Variants in SORCS2 observed in about 807,000 individuals in gnomAD.
The protein encoded by SORCS2 is VPS10 domain-containing receptor SorCS2.
A neutral mutation model predicts 141.6 loss-of-function variants in SORCS2; 100 were observed. The ratio of observed to expected loss-of-function variants is 0.71; its 90% CI spans 0.60 to 0.83. SORCS2 has a LOEUF of 0.83. Among genes scored for constraint, SORCS2 ranks in the 40% least tolerant of loss-of-function variants. The pLI is 0.00. For synonymous variants in SORCS2, 789 were observed against 676.9 expected, an observed-to-expected ratio of 1.17 and a Z score of -2.57; for missense variants, 1,646 against 1,560.2, an observed-to-expected ratio of 1.05 and a Z score of -0.93.
rs1210385945 is a variant in SORCS2 at position 7,286,360 on chromosome 4, G to T, written c.480+93234G>T. On this transcript the variant is annotated intron_variant, in intron 1 of 26. Coordinates refer to ENST00000507866, the MANE Select transcript of SORCS2 (RefSeq NM_020777.3). This position sits in a 1 kb window ranked among gnomAD's most constrained non-coding sequence, Gnocchi z 4.1. ...CGGAAGAGCCTGGGGTGGCTCTGGG[G>T]CTGGGTTGGGGAGCTACCTACTTTG... is the stretch of plus-strand genomic sequence containing the variant. 1.3e-5 allele frequency among the ~76,000 whole-genome samples: 2 copies of T among 152,218 alleles called. No individual in the cohort carries two copies. The highest frequency in any genetic ancestry group is 1.9e-4 in the East Asian group (1 of 5,194).
At chr4:7,244,670 CTG>C (rs1466344300) in intron 1 of SORCS2, among the ~76,000 whole-genome samples, 13 of 152,218 alleles carry the variant, frequency 8.5e-5, no homozygotes, top group African/African-American at 3.1e-4. Context: ...AGACCCCACT[CTG>C]TGCGGTTGCC....
chr4:7,334,824 G>T (rs928377161), intron 1 of SORCS2, among the ~76,000 whole-genome samples: 7 of 152,152 alleles, frequency 4.6e-5, no homozygotes, highest in African/African-American at 1.4e-4. Flanking sequence ...GTGTGAGCAG[G>T]CCCTGTAGGA....
intron 2 of SORCS2, among the ~76,000 whole-genome samples, chr4:7,504,899 C>T (rs980489093): frequency 6.6e-6 from 1 of 152,292 alleles, no homozygotes; most frequent in African/African-American, 2.4e-5. Context: ...GCTCGGGAGC[C>T]GTCTGATGGC....
intron 3 of SORCS2, among the ~76,000 whole-genome samples, chr4:7,540,808 G>A (rs965564020): frequency 5.9e-5 from 9 of 152,204 alleles, no homozygotes; most frequent in South Asian, 2.1e-4. Flanking sequence ...TGTGAAGTGG[G>A]GATGAACATT....
intron 1 of SORCS2, among the ~76,000 whole-genome samples, chr4:7,326,121 G>A (rs796263348): frequency 8.5e-5 from 13 of 152,250 alleles, no homozygotes; most frequent in African/African-American, 2.4e-4. Flanking sequence ...GTGAGGGGCT[G>A]TGTTCTGGGA....
chr4:7,546,048 C>G (rs1162538318), intron 3 of SORCS2, among the ~76,000 whole-genome samples: 1 of 151,972 alleles, frequency 6.6e-6, no homozygotes, highest in East Asian at 1.9e-4. Flanking sequence ...AATCTCATCA[C>G]AAGGGCTCCA....
chr4:7,317,527 ACTT>A (rs1363811175), intron 1 of SORCS2, among the ~76,000 whole-genome samples: 3 of 152,132 alleles, frequency 2.0e-5, no homozygotes, highest in Non-Finnish European at 4.4e-5. Context: ...CCAGGTGGCC[ACTT>A]CTTCCTCCTC....
intron 10 of SORCS2, 64 bp from the exon 11 acceptor site, chr4:7,689,422 C>G: frequency 2.0e-6 from 3 of 1,483,104 alleles, no homozygotes; most frequent in South Asian, 2.5e-5. Context: ...TGTCATCAGG[C>G]TTAGTTTTCC....
At position 7,665,696 on chromosome 4, in the gene SORCS2, G is replaced by A. The variant is rs536360916; in HGVS notation, c.1071+1225G>A. Among the ~76,000 whole-genome samples the A allele has an allele frequency of 1.1e-4, 17 of 152,282 alleles. No individual in the cohort carries two copies. The South Asian group carries it at 3.3e-3, about 30-fold the overall frequency. On this transcript the variant is annotated intron_variant, in intron 7 of 26. Coordinates refer to ENST00000507866, the MANE Select transcript of SORCS2 (RefSeq NM_020777.3). ...CACCTGACTCAGGCAAGCTGAGGCT[G>A]GGCTCTAGGTCTGAACCCCCCACCT...
intron 1 of SORCS2, among the ~76,000 whole-genome samples, chr4:7,299,552 A>C (rs1278825003): frequency 6.6e-6 from 1 of 152,162 alleles, no homozygotes; most frequent in South Asian, 2.1e-4. Context: ...AGGAAGCGAG[A>C]GCATGTTAGA....
chr4:7,436,527 C>T (rs1421618702), intron 2 of SORCS2, among the ~76,000 whole-genome samples: 1 of 152,224 alleles, frequency 6.6e-6, no homozygotes, highest in Non-Finnish European at 1.5e-5. Flanking sequence ...CCCAGGAGGC[C>T]AGAATGTCCT....
At chr4:7,634,358 C>T (rs1310289192) in intron 3 of SORCS2, among the ~76,000 whole-genome samples, 3 of 139,724 alleles carry the variant, frequency 2.1e-5, no homozygotes, top group Non-Finnish European at 4.6e-5. Flanking sequence ...GAAAACAGAG[C>T]GAGACTGTGT....
At chr4:7,442,922 G>A (rs1354385009) in intron 2 of SORCS2, among the ~76,000 whole-genome samples, 1 of 152,108 alleles carries the variant, frequency 6.6e-6, no homozygotes, top group Admixed American at 6.5e-5. Flanking sequence ...CGAAGGCTGC[G>A]GGGAGGCTCC....
At chr4:7,692,790 C>G (rs1437917338) in intron 11 of SORCS2, among the ~76,000 whole-genome samples, 1 of 152,182 alleles carries the variant, frequency 6.6e-6, no homozygotes, top group Non-Finnish European at 1.5e-5. Flanking sequence ...ACAGGGAGGA[C>G]ACTCTAGGCA....
At chr4:7,291,341 C>T (rs1397546326) in intron 1 of SORCS2, among the ~76,000 whole-genome samples, 7 of 152,252 alleles carry the variant, frequency 4.6e-5, no homozygotes, top group East Asian at 1.9e-4. Context: ...AGACGGGCCA[C>T]GGAGCCTGGA....
intron 3 of SORCS2, among the ~76,000 whole-genome samples, chr4:7,635,559 C>T (rs981344412): frequency 1.3e-5 from 2 of 152,182 alleles, no homozygotes; most frequent in Non-Finnish European, 1.5e-5. Context: ...ACTGCTTCAT[C>T]GCCGTGTCAG....
chr4:7,458,357 T>A (rs1729058847), intron 2 of SORCS2, among the ~76,000 whole-genome samples: 2 of 152,110 alleles, frequency 1.3e-5, no homozygotes, highest in South Asian at 4.1e-4. Flanking sequence ...GGAGCAGGGC[T>A]GGGTGCAGGT....
chr4:7,212,402 A>T (rs1269721898), intron 1 of SORCS2, among the ~76,000 whole-genome samples: 1 of 152,146 alleles, frequency 6.6e-6, no homozygotes, highest in Non-Finnish European at 1.5e-5. Context: ...GGTCACAGAA[A>T]CCCCACTCCA....
At chr4:7,366,145 C>G (rs939521295) in intron 1 of SORCS2, among the ~76,000 whole-genome samples, 1 of 152,164 alleles carries the variant, frequency 6.6e-6, no homozygotes, top group African/African-American at 2.4e-5. Context: ...CCCTGCCACC[C>G]TCCTCCTCCT....
Sources: allele counts gnomAD v4.1 joint callset (sites outside exome capture counted in the v4.1 genomes callset), GRCh38; gene constraint gnomAD v4.1.1; non-coding constraint Gnocchi (gnomAD v3.1); transcripts MANE v1.5; gene names NCBI Gene and HGNC (gene_info 2026-07-23, HGNC 2026-07-21).